EFR3B: variants seen among roughly 807,000 people sequenced by gnomAD.
The protein encoded by EFR3B is protein EFR3 homolog B.
In EFR3B, 64 loss-of-function variants were observed where a neutral mutation model predicts 104.7. That is an observed-to-expected ratio of 0.61 (90% confidence interval 0.50 to 0.75). The LOEUF (loss-of-function observed/expected upper bound fraction) is 0.75, where lower values mean the gene tolerates loss of function less well. Among genes scored for constraint, EFR3B ranks in the 30% least tolerant of loss-of-function variants. The pLI is 0.00. For missense variants in EFR3B, 750 were observed against 1,078.5 expected, an observed-to-expected ratio of 0.70 and a Z score of 4.27; for synonymous variants, 385 against 417.9, an observed-to-expected ratio of 0.92 and a Z score of 0.96.
intron 19 of EFR3B, chr2:25,148,012 C>T (rs1241513308): frequency 1.8e-5 from 2 of 108,864 alleles, no homozygotes; most frequent in African/African-American, 4.0e-5. Flanking sequence ...GTGATGAGAG[C>T]GAAACTCCAT....
At chr2:25,095,438 G>A (rs947553639) in intron 3 of EFR3B, among the ~76,000 whole-genome samples, 2 of 152,166 alleles carry the variant, frequency 1.3e-5, no homozygotes, top group Non-Finnish European at 2.9e-5. Context: ...GCTCATGCCT[G>A]TAATCCCAGC....
chr2:25,078,416 A>C (rs1668694198), intron 1 of EFR3B, among the ~76,000 whole-genome samples: 2 of 152,256 alleles, frequency 1.3e-5, no homozygotes, highest in African/African-American at 4.8e-5. Flanking sequence ...AAGATTGCAA[A>C]GCTGAGAAAA....
chr2:25,137,249 GCC>G lies in EFR3B; in HGVS notation c.1561-87_1561-86del. 1 of 1,421,024 alleles carries G rather than the reference GCC, an allele frequency of 7.0e-7. No homozygotes were observed. Among genetic ancestry groups the G allele is most frequent in the South Asian group, 1.4e-5 (1 of 73,854 alleles). The allele number at this position is 1,421,024 out of a possible 1,614,324, so 88.0% of individuals were successfully genotyped here. ...GGAGGAGGGGGCACACAGCCATCCT[GCC>G]CCCCTTCAGATTGGTCTTCCTCCGT... On this transcript the variant is annotated intron_variant, in intron 14 of 22. Transcript: ENST00000403714. This position sits in a 1 kb window ranked among gnomAD's most constrained non-coding sequence, Gnocchi z 4.7.
At chr2:25,128,378 C>A (rs1203627205) in intron 6 of EFR3B, 46 bp downstream of exon 6, 1 of 1,546,614 alleles carries the variant, frequency 6.5e-7, no homozygotes, top group East Asian at 2.5e-5. Context: ...AATCAACCCT[C>A]CAAGGGCTGC....
At chr2:25,051,268 T>C (rs1667860957) in intron 1 of EFR3B, among the ~76,000 whole-genome samples, 2 of 151,270 alleles carry the variant, frequency 1.3e-5, no homozygotes, top group African/African-American at 2.4e-5. Context: ...TGAGCCACCA[T>C]GTCTGGCTAA....
intron 1 of EFR3B, among the ~76,000 whole-genome samples, chr2:25,061,967 A>G (rs112376405): frequency 6.6e-6 from 1 of 151,938 alleles, no homozygotes; most frequent in African/African-American, 2.4e-5. Context: ...ACTTTATTTT[A>G]TTTTTTTTAG....
chr2:25,045,783 CAAA>C (rs11379149), intron 1 of EFR3B, among the ~76,000 whole-genome samples: 1 of 138,596 alleles, frequency 7.2e-6, no homozygotes, highest in African/African-American at 2.6e-5. Context: ...GACTCCATCT[CAAA>C]AAAAAAAAAA....
intron 17 of EFR3B, 83 bp from the exon 18 acceptor site, chr2:25,143,652 C>T: frequency 2.0e-6 from 3 of 1,506,180 alleles, no homozygotes; most frequent in Non-Finnish European, 2.7e-6. Context: ...AAGAGCAAAA[C>T]CCTGTCTTAA....
intron 1 of EFR3B, among the ~76,000 whole-genome samples, chr2:25,049,356 A>G (rs1667804949): frequency 6.6e-6 from 1 of 152,162 alleles, no homozygotes; most frequent in African/African-American, 2.4e-5. Flanking sequence ...TTTGGAAGGG[A>G]TATAGACTAG....
intron 1 of EFR3B, among the ~76,000 whole-genome samples, chr2:25,088,339 G>A (rs1290769482): frequency 6.6e-6 from 1 of 152,174 alleles, no homozygotes; most frequent in Admixed American, 6.5e-5. Context: ...ACTTGCAAGT[G>A]TACAGAGCTG....
chr2:25,150,300 CAAAA>C (rs533611175), intron 20 of EFR3B, among the ~76,000 whole-genome samples: 2 of 62,812 alleles, frequency 3.2e-5, no homozygotes, highest in Middle Eastern at 8.9e-3. Flanking sequence ...ACTCCCATCT[CAAAA>C]AAAAAAAAAA....
rs565306463 is a variant in EFR3B at position 25,120,307 on chromosome 2, T to A, written c.364-1366T>A. Among the ~76,000 whole-genome samples, 218 of 151,412 alleles carry A rather than the reference T, an allele frequency of 1.4e-3. 1 individual carries two copies. The highest frequency in any genetic ancestry group is 5.2e-3 in the African/African-American group (212 of 41,102). On this transcript the variant is annotated intron_variant, in intron 4 of 22. Transcript: ENST00000403714. The stretch of plus-strand genomic sequence containing the variant: ...AGGAAGTTGCAGTGAGCCGAGATCA[T>A]GTCATTGCATGCCAGCCTGGGCAAC...
At position 25,079,119 on chromosome 2, in the gene EFR3B, C is replaced by T. The variant is rs572890444; in HGVS notation, c.8-12206C>T. On this transcript the variant is annotated intron_variant, in intron 1 of 22. Coordinates refer to ENST00000403714, the MANE Select transcript of EFR3B (RefSeq NM_014971.2). ...TGTCCCCACCTCTACTGGGGCATCC[C>T]TTGTTAAATCCTAAGTTGAATGGTT... Among the ~76,000 whole-genome samples, 5 of 152,306 alleles carry T rather than the reference C, an allele frequency of 3.3e-5. No individual in the cohort carries two copies. In the South Asian group the frequency reaches 1.0e-3, roughly 32 times the overall value.
intron 1 of EFR3B, among the ~76,000 whole-genome samples, chr2:25,069,899 G>T (rs1389388987): frequency 6.6e-6 from 1 of 152,060 alleles, no homozygotes; most frequent in African/African-American, 2.4e-5. Context: ...GGGTTTCACC[G>T]TGTTAGCCAG....
chr2:25,143,869 G>A lies in EFR3B; in HGVS notation c.2050+7G>A, dbSNP rs999556225. 5.2e-6 allele frequency: 8 copies of A among 1,551,324 alleles called. No homozygotes were observed. The highest frequency in any genetic ancestry group is 7.0e-6 in the Non-Finnish European group (8 of 1,146,846). On this transcript the variant is annotated splice_region_variant and intron_variant, in intron 18 of 22. Coordinates refer to ENST00000403714, the MANE Select transcript of EFR3B (RefSeq NM_014971.2). ...TACATTCCTCAGCTGACAGGTATGA[G>A]TTCTGTGCAGGGATGCCCGGGCCTG...
chr2:25,138,061 A>G (rs529193623), intron 15 of EFR3B, among the ~76,000 whole-genome samples: 100 of 152,308 alleles, frequency 6.6e-4, no homozygotes, highest in South Asian at 1.7e-3. Flanking sequence ...AGTCCCAGCT[A>G]CTTGGGAGAC....
rs755922019 is a variant in EFR3B at position 25,136,502 on chromosome 2, G to C, written c.1485-21G>C. 3.2e-6 allele frequency: 5 copies of C among 1,545,992 alleles called. No individual in the cohort carries two copies. The South Asian group carries it at 4.8e-5, about 15-fold the overall frequency. On this transcript the variant is annotated intron_variant, in intron 13 of 22. Transcript: ENST00000403714. The surrounding 1 kb of genome is among the most constrained non-coding windows in gnomAD (Gnocchi z 4.0). ...CTGGCCTCATGCAAGGGCTAAGGAG[G>C]CCCTTTGCATCCCTTCCCAGTACCC...
intron 4 of EFR3B, among the ~76,000 whole-genome samples, chr2:25,120,951 G>A (rs72807682): frequency 0.27 from 41,055 of 151,914 alleles, 5,856 homozygotes; most frequent in East Asian, 0.45. Context: ...GCCCAGGCTG[G>A]AGCGCAGTGG....
intron 1 of EFR3B, chr2:25,058,217 A>T (rs66727383): frequency 0.094 from 14,239 of 152,244 alleles, 879 homozygotes; most frequent in East Asian, 0.24. Context: ...GGAGTGAGCC[A>T]GCCCAGGTTG....
Sources: allele counts gnomAD v4.1 joint callset (sites outside exome capture counted in the v4.1 genomes callset), GRCh38; gene constraint gnomAD v4.1.1; non-coding constraint Gnocchi (gnomAD v3.1); transcripts MANE v1.5; gene names NCBI Gene and HGNC (gene_info 2026-07-23, HGNC 2026-07-21).